Variants in TBL1X observed in about 807,000 individuals in gnomAD.
TBL1X encodes F-box-like/WD repeat-containing protein TBL1X.
Under a neutral mutation model 50.7 loss-of-function variants are expected in TBL1X, and 10 were observed. The observed-to-expected ratio is 0.20, with a 90% CI of 0.12 to 0.33. The LOEUF (loss-of-function observed/expected upper bound fraction) is 0.33, where lower values mean the gene tolerates loss of function less well. Ranked by LOEUF, TBL1X falls within the 10% of genes least tolerant of loss-of-function variation. The pLI is 1.00. For synonymous variants in TBL1X, 190 were observed against 214.7 expected (o/e 0.88, Z 1.01); for missense variants, 340 against 504.4 (o/e 0.67, Z 3.12).
intron 1 of TBL1X, among the ~76,000 whole-genome samples, chrX:9,469,123 C>T (rs775959350): frequency 9.0e-6 from 1 of 111,438 alleles, no homozygotes; most frequent in Non-Finnish European, 1.9e-5. Flanking sequence ...CTCAGTCGAC[C>T]GACATAGAAT....
chrX:9,643,350 C>G (rs775334146), intron 3 of TBL1X, among the ~76,000 whole-genome samples: 1 of 111,435 alleles, frequency 9.0e-6, no homozygotes, highest in Admixed American at 9.5e-5. Flanking sequence ...ACCGCTGCTT[C>G]TGTCAGCCCT....
rs766810128 is a variant in TBL1X, at chrX:9,553,520, C to T, written c.-131+51671C>T. Among the ~76,000 whole-genome samples, 3 of 111,799 alleles carry T rather than the reference C, an allele frequency of 2.7e-5. No homozygotes were observed. The South Asian group carries it at 1.2e-3, about 43-fold the overall frequency. On this transcript the variant is annotated intron_variant, in intron 2 of 17. Transcript: ENST00000645353. The stretch of plus-strand genomic sequence containing the variant: ...AGGAAACGCAGACAGTGGGTGAGCA[C>T]CAGATGGTAGAGTCAAGTTTAATAT...
At chrX:9,670,841 T>C (rs2082956561) in intron 5 of TBL1X, among the ~76,000 whole-genome samples, 1 of 112,591 alleles carries the variant, frequency 8.9e-6, no homozygotes, top group South Asian at 3.6e-4. Context: ...ACATTGCTAA[T>C]GTGTATCCAT....
intron 8 of TBL1X, 96 bp from the exon 9 acceptor site, chrX:9,692,017 G>T (rs769924371): frequency 8.7e-7 from 1 of 1,151,176 alleles, no homozygotes; most frequent in South Asian, 1.9e-5. Context: ...AGAAGAGCAT[G>T]TGCTGAAGAT....
chrX:9,516,751 A>G (rs1318392643), intron 2 of TBL1X, among the ~76,000 whole-genome samples: 1 of 112,223 alleles, frequency 8.9e-6, no homozygotes, highest in Non-Finnish European at 1.9e-5. Flanking sequence ...TTCATAAAGC[A>G]TGATGTAGCA....
chrX:9,592,833 GTT>G (rs2082508028), intron 2 of TBL1X, among the ~76,000 whole-genome samples: 2 of 112,352 alleles, frequency 1.8e-5, no homozygotes, highest in Admixed American at 1.9e-4. Context: ...ATACTAATCC[GTT>G]GTAGGGTCAC....
At chrX:9,556,304 G>T (rs913516073) in intron 2 of TBL1X, among the ~76,000 whole-genome samples, 4 of 111,033 alleles carry the variant, frequency 3.6e-5, no homozygotes, top group African/African-American at 1.3e-4. Context: ...ATTAGTTTCT[G>T]TGGCTGCTGT....
intron 5 of TBL1X, among the ~76,000 whole-genome samples, chrX:9,663,762 A>C (rs1297982253): frequency 1.1e-5 from 1 of 91,763 alleles, no homozygotes; most frequent in African/African-American, 5.8e-5. Flanking sequence ...TTCTGTCTCA[A>C]AAAAAAAAAA....
At chrX:9,533,672 T>C (rs186333398) in intron 2 of TBL1X, among the ~76,000 whole-genome samples, 310 of 110,163 alleles carry the variant, frequency 2.8e-3, no homozygotes, top group African/African-American at 9.9e-3. Flanking sequence ...AAAGGCACAG[T>C]GATGGTGGGT....
chrX:9,547,383 G>T (rs960348963), intron 2 of TBL1X, among the ~76,000 whole-genome samples: 1 of 110,153 alleles, frequency 9.1e-6, no homozygotes, highest in Non-Finnish European at 1.9e-5. Context: ...GCAATGGCGC[G>T]ATCTCGACTC....
intron 3 of TBL1X, among the ~76,000 whole-genome samples, chrX:9,645,834 T>C (rs1038971834): frequency 2.7e-5 from 3 of 112,127 alleles, no homozygotes; most frequent in African/African-American, 9.7e-5. Context: ...TGGGTCAAAC[T>C]GTAACCTTGT....
At chrX:9,688,577 G>C (rs1168083454) in intron 7 of TBL1X, among the ~76,000 whole-genome samples, 1 of 112,500 alleles carries the variant, frequency 8.9e-6, no homozygotes, top group Non-Finnish European at 1.9e-5. Flanking sequence ...TTCATTCATG[G>C]ACACCTTTAG....
chrX:9,625,490 A>G (rs7889184), intron 2 of TBL1X, among the ~76,000 whole-genome samples: 20,926 of 111,640 alleles, frequency 0.19, 2,104 homozygotes, highest in African/African-American at 0.38. Flanking sequence ...CTCCAGGATC[A>G]TGCTGCTTCT....
chrX:9,651,266 A>G (rs1364616935), intron 3 of TBL1X, among the ~76,000 whole-genome samples: 1 of 111,312 alleles, frequency 9.0e-6, no homozygotes, highest in East Asian at 2.8e-4. Context: ...GCAGGTCTCA[A>G]ACTCCTGGGC....
In TBL1X at chrX:9,491,306, T is replaced by TTATATATATA. The variant is rs757466880; in HGVS notation, c.-200-10450_-200-10441dup. ...GCATCACCGCACTTGGCCAGTATAT[T>TTATATATATA]TATATATATATATATATATATATAT... On this transcript the variant is annotated intron_variant, in intron 1 of 17. Coordinates refer to ENST00000645353, the MANE Select transcript of TBL1X (RefSeq NM_005647.4). Among the ~76,000 whole-genome samples, 29 of 51,890 alleles carry TTATATATATA rather than the reference T, an allele frequency of 5.6e-4. 1 individual carries two copies. Among genetic ancestry groups the TTATATATATA allele is most frequent in the South Asian group, 2.9e-3 (2 of 689 alleles). The allele number at this position is 51,890 out of a possible 115,157, so 45.1% of individuals were successfully genotyped here. A position where few individuals can be genotyped will look rare whatever the true frequency, so the allele number is the denominator to read the frequency against.
chrX:9,579,530 A>G (rs2082429165), intron 2 of TBL1X, among the ~76,000 whole-genome samples: 1 of 111,794 alleles, frequency 8.9e-6, no homozygotes, highest in African/African-American at 3.3e-5. Context: ...TTCCTTCTTG[A>G]CAGGCTGGGA....
intron 2 of TBL1X, among the ~76,000 whole-genome samples, chrX:9,544,737 G>C (rs1355672478): frequency 9.4e-6 from 1 of 106,918 alleles, no homozygotes; most frequent in Non-Finnish European, 1.9e-5. Context: ...TAATTTTTTT[G>C]TAATTTTTTG....
intron 2 of TBL1X, among the ~76,000 whole-genome samples, chrX:9,512,645 G>A (rs890378262): frequency 1.8e-5 from 2 of 110,507 alleles, no homozygotes; most frequent in Non-Finnish European, 1.9e-5. Flanking sequence ...CTACAGGCAT[G>A]CGCCACCACG....
intron 3 of TBL1X, among the ~76,000 whole-genome samples, chrX:9,650,744 T>G (rs1486501843): frequency 3.6e-5 from 4 of 111,862 alleles, no homozygotes; most frequent in Non-Finnish European, 7.5e-5. Context: ...CTTCAATTTT[T>G]CAAACACTCA....
Sources: allele counts gnomAD v4.1 joint callset (sites outside exome capture counted in the v4.1 genomes callset), GRCh38; gene constraint gnomAD v4.1.1; transcripts MANE v1.5; gene names NCBI Gene and HGNC (gene_info 2026-07-23, HGNC 2026-07-21).